Variants in PCDHA8 observed in about 807,000 individuals in gnomAD.
PCDHA8 encodes the protein protocadherin alpha 8.
A neutral mutation model predicts 61.8 loss-of-function variants in PCDHA8; 53 were observed. That is an observed-to-expected ratio of 0.86 (90% confidence interval 0.69 to 1.08). PCDHA8 has a LOEUF of 1.08. Among genes scored for constraint, PCDHA8 ranks in the 50% least tolerant of loss-of-function variants. PCDHA8 has a pLI of 0.00. For synonymous variants in PCDHA8, 618 were observed against 556.6 expected (o/e 1.11, Z -1.55); for missense variants, 1,293 against 1,245.0 (o/e 1.04, Z -0.58).
chr5:141,001,102 A>T (rs1197761807), intron 3 of PCDHA8, among the ~76,000 whole-genome samples: 1 of 152,076 alleles, frequency 6.6e-6, no homozygotes, highest in African/African-American at 2.4e-5. Context: ...TCTAATCCAT[A>T]ATAAGCAATC....
At chr5:140,926,704 T>A in intron 1 of PCDHA8, 1 of 842,670 alleles carries the variant, frequency 1.2e-6, no homozygotes, top group Non-Finnish European at 1.7e-6. Context: ...GGCTCCCAGC[T>A]GGCCAGCCCC....
intron 1 of PCDHA8, chr5:140,856,833 G>T (rs1554149194): frequency 1.9e-6 from 3 of 1,591,548 alleles, no homozygotes; most frequent in Admixed American, 1.7e-5. Flanking sequence ...TTAGTAATAC[G>T]GCTCAACGCT....
intron 1 of PCDHA8, chr5:140,857,623 G>T (rs1554150390): frequency 2.5e-6 from 4 of 1,596,656 alleles, no homozygotes; most frequent in Non-Finnish European, 8.6e-7. Flanking sequence ...TGGACCACGA[G>T]GAGCTGGAGC....
chr5:140,871,218 G>C, intron 1 of PCDHA8: 19 of 1,613,884 alleles, frequency 1.2e-5, no homozygotes, highest in Non-Finnish European at 1.6e-5. Context: ...CCATCTGCGT[G>C]GTGTCCAGCC....
intron 1 of PCDHA8, among the ~76,000 whole-genome samples, chr5:140,947,528 T>C (rs1175792550): frequency 6.6e-6 from 1 of 151,692 alleles, no homozygotes; most frequent in African/African-American, 2.4e-5. Context: ...GAATCAACTT[T>C]TCAATTTCTA....
In PCDHA8 at chr5:140,849,670, A is replaced by G. The variant is rs2150444272; in HGVS notation, c.2394+5955A>G. On this transcript the variant is annotated intron_variant, in intron 1 of 3. Coordinates refer to ENST00000531613, the MANE Select transcript of PCDHA8 (RefSeq NM_018911.3). The stretch of plus-strand genomic sequence containing the variant: ...CAGGTTACCTGCTCCCTGACGCCCC[A>G]CGTCCCCTTCAAGCTGGTGTCCACC... The G allele has an allele frequency of 1.7e-5, 27 of 1,598,602 alleles. 2 individuals carry two copies. The highest frequency in any genetic ancestry group is 9.9e-5 in the South Asian group (9 of 90,546).
At chr5:140,871,532 T>G in intron 1 of PCDHA8, 1 of 1,515,318 alleles carries the variant, frequency 6.6e-7, no homozygotes, top group Non-Finnish European at 8.8e-7. Flanking sequence ...AGGAAGTGTA[T>G]GTGAAATTAT....
At chr5:140,857,430 T>A in intron 1 of PCDHA8, 2 of 1,598,338 alleles carry the variant, frequency 1.3e-6, no homozygotes, top group African/African-American at 2.7e-5. Context: ...GAGTACACGG[T>A]GTTCGTGAAG....
In PCDHA8 at chr5:140,982,461, G is replaced by A. The variant is rs765899879; in HGVS notation, c.2454-14G>A. The A allele has an allele frequency of 4.7e-5, 76 of 1,614,088 alleles. No individual in the cohort carries two copies. The highest frequency in any genetic ancestry group is 5.8e-5 in the Non-Finnish European group (68 of 1,180,014). On this transcript the variant is annotated splice_polypyrimidine_tract_variant and intron_variant, in intron 2 of 3. Coordinates refer to ENST00000531613, the MANE Select transcript of PCDHA8 (RefSeq NM_018911.3). ...TATGATCTAACCGTTATCTGGGTCTGTGTGTTTATTCAGCTCTGTGCACCT... is the reference window on the plus strand; with the variant it reads ...TATGATCTAACCGTTATCTGGGTCTATGTGTTTATTCAGCTCTGTGCACCT...
At chr5:140,950,555 C>T (rs1421946616) in intron 1 of PCDHA8, among the ~76,000 whole-genome samples, 1 of 151,964 alleles carries the variant, frequency 6.6e-6, no homozygotes, top group Non-Finnish European at 1.5e-5. Flanking sequence ...GCTGGGGGGA[C>T]ACTTATTTTA....
rs372854727 is a variant in PCDHA8 at position 140,857,673 on chromosome 5, C to A, written c.2394+13958C>A. On this transcript the variant is annotated intron_variant, in intron 1 of 3. Transcript: ENST00000531613. Reference sequence around the variant, plus strand: ...GTGAGCGCGCGCGATGGGGGCGTGCCGCCTCTGGGCAGCAACTTGACGCTG... The same window carrying A: ...GTGAGCGCGCGCGATGGGGGCGTGCAGCCTCTGGGCAGCAACTTGACGCTG... 2.5e-6 allele frequency: 4 copies of A among 1,596,826 alleles called. 1 individual carries two copies. The highest frequency in any genetic ancestry group is 3.4e-6 in the Non-Finnish European group (4 of 1,167,768).
At chr5:140,928,007 A>G in intron 1 of PCDHA8, 3 of 1,614,116 alleles carry the variant, frequency 1.9e-6, no homozygotes, top group Non-Finnish European at 2.5e-6. Context: ...CTCGATTCTA[A>G]TGGTAGGGTC....
chr5:140,894,919 T>C (rs1188144925), intron 1 of PCDHA8, among the ~76,000 whole-genome samples: 1 of 152,348 alleles, frequency 6.6e-6, no homozygotes, highest in Non-Finnish European at 1.5e-5. Context: ...TGTTGCTCTA[T>C]AGATTTCTAT....
intron 1 of PCDHA8, among the ~76,000 whole-genome samples, chr5:140,908,585 G>A (rs782742805): frequency 3.9e-5 from 6 of 152,160 alleles, no homozygotes; most frequent in South Asian, 4.1e-4. Flanking sequence ...AGAGTAGTTA[G>A]CTGCAGAAGA....
chr5:140,969,506 G>T, intron 1 of PCDHA8: 1 of 1,427,058 alleles, frequency 7.0e-7, no homozygotes, highest in Non-Finnish European at 9.3e-7. Flanking sequence ...TAGAAAAATA[G>T]CACTAAAGAA....
intron 1 of PCDHA8, chr5:140,882,775 C>T (rs1554175564): frequency 2.5e-6 from 4 of 1,614,220 alleles, no homozygotes; most frequent in East Asian, 4.5e-5. Flanking sequence ...CGGCATTGAC[C>T]TACCGACTGG....
At chr5:141,009,439 G>A (rs187486568) in intron 3 of PCDHA8, among the ~76,000 whole-genome samples, 188 bp from the exon 4 acceptor site, 1 of 152,244 alleles carries the variant, frequency 6.6e-6, no homozygotes, top group East Asian at 1.9e-4. Context: ...GGGAAATCCT[G>A]TCTCAAAAAA....
chr5:140,917,439 G>T (rs1437451173), intron 1 of PCDHA8, among the ~76,000 whole-genome samples: 1 of 151,364 alleles, frequency 6.6e-6, no homozygotes, highest in Non-Finnish European at 1.5e-5. Flanking sequence ...TTTTGTTTTT[G>T]CTGCAAGAGC....
chr5:140,859,624 G>A (rs11749013), intron 1 of PCDHA8: 1 of 160,568 alleles, frequency 6.2e-6, no homozygotes, highest in Non-Finnish European at 1.4e-5. Flanking sequence ...TTCTCTTTGA[G>A]TATGGAGATT....
Sources: allele counts gnomAD v4.1 joint callset (sites outside exome capture counted in the v4.1 genomes callset), GRCh38; gene constraint gnomAD v4.1.1; transcripts MANE v1.5; gene names NCBI Gene and HGNC (gene_info 2026-07-23, HGNC 2026-07-21).